HOXC4: variants seen among roughly 807,000 people sequenced by gnomAD.
HOXC4 encodes the protein homeobox protein Hox-C4.
HOXC4 carries 15 observed loss-of-function variants against 25.5 expected under a neutral mutation model. The ratio of observed to expected loss-of-function variants is 0.59; its 90% CI spans 0.39 to 0.91. The LOEUF is 0.91. Among genes scored for constraint, HOXC4 ranks in the 40% least tolerant of loss-of-function variants. The probability of loss-of-function intolerance (pLI) is 0.00; values close to 1 mark genes in which losing one functional copy is unlikely to be tolerated. For synonymous variants in HOXC4, 165 were observed against 148.0 expected (o/e 1.11, Z -0.83); for missense variants, 342 against 352.4 (o/e 0.97, Z 0.24).
At chr12:54,041,514 G>A (rs1941272169) in intron 1 of HOXC4, among the ~76,000 whole-genome samples, 2 of 152,164 alleles carry the variant, frequency 1.3e-5, no homozygotes, top group African/African-American at 2.4e-5. Flanking sequence ...GACTGAGCTG[G>A]GCTTTGTCAA....
chr12:54,026,709 C>A (rs936650865), intron 1 of HOXC4, among the ~76,000 whole-genome samples: 1 of 152,326 alleles, frequency 6.6e-6, no homozygotes, highest in African/African-American at 2.4e-5. Context: ...AACATGTTGT[C>A]TCCACCAGCT....
intron 1 of HOXC4, chr12:54,030,293 CA>C (rs1295500813): frequency 5.6e-6 from 1 of 178,292 alleles, no homozygotes; most frequent in East Asian, 1.3e-4. Context: ...TTGGCTCCCC[CA>C]CTCCTTCGAC....
At chr12:54,026,974 G>T (rs1047639883) in intron 1 of HOXC4, among the ~76,000 whole-genome samples, 1 of 132,822 alleles carries the variant, frequency 7.5e-6, no homozygotes, top group Admixed American at 7.3e-5. Context: ...TGGGGGGGGG[G>T]GGATATGAGC....
chr12:54,038,908 C>T (rs1438449345), intron 1 of HOXC4, among the ~76,000 whole-genome samples: 1 of 152,078 alleles, frequency 6.6e-6, no homozygotes, highest in African/African-American at 2.4e-5. Context: ...GAGCACTGCA[C>T]CCTGGGGTCA....
chr12:54,030,589 G>A (rs1210081490), intron 1 of HOXC4: 1 of 152,532 alleles, frequency 6.6e-6, no homozygotes. Context: ...CTGTATTTGT[G>A]GTCTCTGTAT....
At chr12:54,032,222 A>C (rs917873422) in intron 1 of HOXC4, among the ~76,000 whole-genome samples, 5 of 151,498 alleles carry the variant, frequency 3.3e-5, no homozygotes, top group Non-Finnish European at 7.4e-5. Flanking sequence ...GGTCTAGCCA[A>C]CTCCACCTGG....
chr12:54,029,039 T>G, intron 1 of HOXC4: 2 of 980,782 alleles, frequency 2.0e-6, no homozygotes, highest in Non-Finnish European at 1.5e-6. Flanking sequence ...ATCACGCTCG[T>G]CTCCTCACCG....
intron 1 of HOXC4, among the ~76,000 whole-genome samples, chr12:54,026,964 T>TC (rs1940738518): frequency 7.9e-6 from 1 of 127,280 alleles, no homozygotes; most frequent in Admixed American, 7.8e-5. Context: ...CCAAAAATGG[T>TC]GGGGGGGGGG....
chr12:54,025,536 GGGA>G (rs202053980), intron 1 of HOXC4, among the ~76,000 whole-genome samples: 15,517 of 55,236 alleles, frequency 0.28, 1,874 homozygotes, highest in East Asian at 0.44. Context: ...TTGGGGGGGG[GGGA>G]GGTGTTGAAA....
At position 54,020,561 on chromosome 12, in the gene HOXC4, A is replaced by G. The variant is rs571526534; in HGVS notation, c.-124+3147A>G. 3 of 152,340 alleles carry G rather than the reference A, an allele frequency of 2.0e-5. No individual in the cohort carries two copies. The South Asian group carries it at 6.2e-4, about 32-fold the overall frequency. 9.4% of individuals were successfully genotyped at this position (152,340 alleles called of 1,614,324 possible). On this transcript the variant is annotated intron_variant, in intron 1 of 3. Transcript: ENST00000303406. Reference sequence around the variant, plus strand: ...ATATATTTATTATATACAGGCTTAAATATACAGACTCAGGCTTATGCATGA... The same window carrying G: ...ATATATTTATTATATACAGGCTTAAGTATACAGACTCAGGCTTATGCATGA...
At chr12:54,051,504 C>G (rs560113029), upstream of HOXC4, among the ~76,000 whole-genome samples, 15 of 152,206 alleles carry the variant, frequency 9.9e-5, no homozygotes, top group Non-Finnish European at 1.9e-4. Flanking sequence ...TCTCAACTTC[C>G]TCTCCAACCA....
chr12:54,034,650 C>T (rs1941133727), intron 1 of HOXC4: 1 of 629,522 alleles, frequency 1.6e-6, no homozygotes, highest in Non-Finnish European at 2.8e-6. Context: ...TGGCATTCCG[C>T]ATCCCTACCG....
At position 54,042,136 on chromosome 12, in the gene HOXC4, G is replaced by A. The variant is rs142198681; in HGVS notation, c.-123-11024G>A. On this transcript the variant is annotated intron_variant, in intron 1 of 3. Transcript: ENST00000303406. ...TGGGATTAGAGGCATGCACCACCAC[G>A]CCTGGCTAATTTTGTATTTTTAATA... 2.5e-4 allele frequency among the ~76,000 whole-genome samples: 38 copies of A among 151,972 alleles called. No homozygotes were observed. In the East Asian group the frequency reaches 6.4e-3, roughly 26 times the overall value.
chr12:54,033,495 A>C, intron 1 of HOXC4: 1 of 1,592,304 alleles, frequency 6.3e-7, no homozygotes, highest in Admixed American at 1.7e-5. Flanking sequence ...GCAGGCGCAG[A>C]CAGGGCAGCC....
chr12:54,028,616 A>G lies in HOXC4; in HGVS notation c.-124+11202A>G, dbSNP rs200758418. The G allele has an allele frequency of 6.7e-5, 108 of 1,614,008 alleles. 2 individuals are homozygous for G. The South Asian group carries it at 8.6e-4, about 13-fold the overall frequency. On this transcript the variant is annotated intron_variant, in intron 1 of 3. Coordinates refer to the HOXC4 transcript ENST00000303406. ...GTCGCCCTCAATTCCACCGCCTATG[A>G]TCCAGTGAGGCATTTCTCGACCTAT...
At chr12:54,050,156 C>T (rs1051115436), upstream of HOXC4, among the ~76,000 whole-genome samples, 26 of 152,024 alleles carry the variant, frequency 1.7e-4, no homozygotes, top group South Asian at 4.2e-4. Context: ...CTCTCTCAGC[C>T]GGCAGCTTGT....
At chr12:54,044,228 GC>G (rs1173547011) in intron 1 of HOXC4, among the ~76,000 whole-genome samples, 1 of 151,938 alleles carries the variant, frequency 6.6e-6, no homozygotes, top group Non-Finnish European at 1.5e-5. Context: ...CCCACCTGAG[GC>G]CCCTCCTTTC....
chr12:54,054,119 A>G lies in HOXC4; in HGVS notation c.197A>G (p.Gln66Arg). ...PPPRPSYPER[Q>R]YSCTSLQGPG... ...CCGCGCCCTAGCTACCCTGAGCGCC[A>G]GTATAGCTGCACCAGTCTCCAGGGG... Residue 66 changes from glutamine to arginine, a missense_variant, in exon 1 of 2, where the codon CAG becomes CGG. Transcript: ENST00000430889. The G allele has an allele frequency of 1.9e-6, 3 of 1,614,020 alleles. No individual in the cohort carries two copies. Among genetic ancestry groups the G allele is most frequent in the Non-Finnish European group, 2.5e-6 (3 of 1,179,986 alleles).
chr12:54,025,945 C>G (rs192153782), intron 1 of HOXC4, among the ~76,000 whole-genome samples: 3 of 152,266 alleles, frequency 2.0e-5, no homozygotes, highest in East Asian at 1.9e-4. Context: ...TTCCCTCCCC[C>G]ACCCAGACAT....
Sources: gnomAD v4.1 joint callset for allele counts (sites outside exome capture counted in the v4.1 genomes callset) on GRCh38, gnomAD v4.1.1 for gene constraint, MANE v1.5 for transcripts, NCBI Gene and HGNC (gene_info 2026-07-23, HGNC 2026-07-21) for gene names.